DYRK1A: variants seen among roughly 807,000 people sequenced by gnomAD.
The protein encoded by DYRK1A is dual specificity tyrosine-phosphorylation-regulated kinase 1A.
Under a neutral mutation model 79.7 loss-of-function variants are expected in DYRK1A, and 9 were observed. That is an observed-to-expected ratio of 0.11 (90% confidence interval 0.07 to 0.20). The LOEUF is 0.20. DYRK1A is among the 10% of genes least tolerant of loss of function. DYRK1A has a pLI of 1.00. For synonymous variants in DYRK1A, 349 were observed against 329.7 expected, an observed-to-expected ratio of 1.06 and a Z score of -0.63; for missense variants, 622 against 956.0, an observed-to-expected ratio of 0.65 and a Z score of 4.61.
At chr21:37,395,789 A>G (rs1413886444) in intron 1 of DYRK1A, among the ~76,000 whole-genome samples, 1 of 152,148 alleles carries the variant, frequency 6.6e-6, no homozygotes, top group African/African-American at 2.4e-5. Context: ...GGGTGGAAAC[A>G]TTTACTCTGT....
At chr21:37,410,348 G>A (rs2050220824) in intron 1 of DYRK1A, among the ~76,000 whole-genome samples, 1 of 152,206 alleles carries the variant, frequency 6.6e-6, no homozygotes, top group South Asian at 2.1e-4. Context: ...GTGAACTTAA[G>A]TTGGTATAGA....
intron 2 of DYRK1A, among the ~76,000 whole-genome samples, chr21:37,447,881 A>G (rs984005794): frequency 2.0e-5 from 3 of 151,806 alleles, no homozygotes; most frequent in African/African-American, 4.8e-5. Context: ...GGTGTTTTCT[A>G]GTAAATGTGA....
At chr21:37,393,124 G>A (rs536498927) in intron 1 of DYRK1A, among the ~76,000 whole-genome samples, 1 of 152,318 alleles carries the variant, frequency 6.6e-6, no homozygotes, top group South Asian at 2.1e-4. Context: ...CCATAGTAGG[G>A]CCTTTGATAG....
rs771589556 is a variant in DYRK1A, at chr21:37,514,941, C to T, written c.*2410C>T. On this transcript the variant is annotated 3_prime_UTR_variant, in exon 12 of 12. Transcript: ENST00000647188. ...AAGAAAATCATAAAATCCAATGCTTCTGCATACTGTGTTATGTTACAGTCC... is the reference window on the plus strand; with the variant it reads ...AAGAAAATCATAAAATCCAATGCTTTTGCATACTGTGTTATGTTACAGTCC... 4.6e-5 allele frequency: 7 copies of T among 152,696 alleles called. No homozygotes were observed. The East Asian group carries it at 1.4e-3, about 29-fold the overall frequency. The allele number at this position is 152,696 out of a possible 1,614,324, so 9.5% of individuals were successfully genotyped here.
At chr21:37,368,283 G>A (rs1200157042) in intron 1 of DYRK1A, among the ~76,000 whole-genome samples, 1 of 152,196 alleles carries the variant, frequency 6.6e-6, no homozygotes, top group African/African-American at 2.4e-5. Context: ...TGGTGGCTGA[G>A]GAGAGGTGAA....
intron 2 of DYRK1A, among the ~76,000 whole-genome samples, chr21:37,467,127 CAAA>C (rs2052056386): frequency 1.3e-4 from 19 of 144,284 alleles, no homozygotes; most frequent in Admixed American, 1.0e-3. Context: ...AAAAACAAAA[CAAA>C]AAAACGGAAA....
At position 37,505,566 on chromosome 21, in the gene DYRK1A, C is replaced by T; in HGVS notation, c.1496C>T (p.Thr499Ile). The change falls in exon 10 of 12, where the codon ACC becomes ATC. Residue 499 changes from threonine to isoleucine, a missense_variant. Physicochemically the swap from Thr to Ile is moderately conservative, Grantham distance 89. Coordinates refer to ENST00000647188, the MANE Select transcript of DYRK1A (RefSeq NM_001347721.2). ...AMEQSQSSGT[T>I]SSTSSSSGGS... ...GAGCAGTCTCAGTCTTCGGGCACCACCTCCAGTACATCGTCAAGCTCAGGT... is the reference window on the plus strand; with the variant it reads ...GAGCAGTCTCAGTCTTCGGGCACCATCTCCAGTACATCGTCAAGCTCAGGT... The T allele has an allele frequency of 6.2e-7, 1 of 1,606,570 alleles. No homozygotes were observed. The highest frequency in any genetic ancestry group is 1.1e-5 in the South Asian group (1 of 91,024).
At chr21:37,413,427 T>C (rs1024001760) in intron 1 of DYRK1A, among the ~76,000 whole-genome samples, 1 of 152,250 alleles carries the variant, frequency 6.6e-6, no homozygotes, top group South Asian at 2.1e-4. Context: ...TATATGTGTG[T>C]ATATATTGTA....
At chr21:37,370,572 G>A (rs892521119) in intron 1 of DYRK1A, among the ~76,000 whole-genome samples, 2 of 152,024 alleles carry the variant, frequency 1.3e-5, no homozygotes, top group African/African-American at 4.8e-5. Context: ...AGGCTTTCAC[G>A]TTTCCTGTAC....
chr21:37,498,485 A>G (rs1036394970), intron 9 of DYRK1A, among the ~76,000 whole-genome samples: 2 of 152,156 alleles, frequency 1.3e-5, no homozygotes, highest in African/African-American at 2.4e-5. Flanking sequence ...CACTCAGCAA[A>G]TGTATTGTTT....
At chr21:37,403,304 C>A (rs1481731789) in intron 1 of DYRK1A, among the ~76,000 whole-genome samples, 1 of 151,934 alleles carries the variant, frequency 6.6e-6, no homozygotes, top group Non-Finnish European at 1.5e-5. Flanking sequence ...AATTCTAATT[C>A]TTTGAATGTA....
intron 2 of DYRK1A, among the ~76,000 whole-genome samples, chr21:37,465,216 G>T (rs138719748): frequency 6.6e-6 from 1 of 152,062 alleles, no homozygotes; most frequent in Non-Finnish European, 1.5e-5. Context: ...TAGCTAAAAA[G>T]GTACCAGAAG....
rs2053916748 is a variant in DYRK1A at position 37,519,735 on chromosome 21, A to AGTTTTTTTT, written c.*7205_*7213dup. On this transcript the variant is annotated 3_prime_UTR_variant, in exon 12 of 12. Transcript: ENST00000647188. Reference sequence around the variant, plus strand: ...AAGAGTTTTGAGGTTTGTTGTGGGAAGTTTTTTTTTTTTTTTTTTTTTTTG... The same window carrying AGTTTTTTTT: ...AAGAGTTTTGAGGTTTGTTGTGGGAAGTTTTTTTTGTTTTTTTTTTTTTTTTTTTTTTTG... 2 of 80,548 alleles carry AGTTTTTTTT rather than the reference A, an allele frequency of 2.5e-5. No homozygotes were observed. The highest frequency in any genetic ancestry group is 1.3e-4 in the African/African-American group (2 of 15,214). 5.0% of individuals were successfully genotyped at this position (80,548 alleles called of 1,614,324 possible).
At chr21:37,379,287 C>A (rs906357571) in intron 1 of DYRK1A, among the ~76,000 whole-genome samples, 1 of 151,818 alleles carries the variant, frequency 6.6e-6, no homozygotes, top group Non-Finnish European at 1.5e-5. Flanking sequence ...TGAGGGAATA[C>A]GAAGAGGTGA....
chr21:37,441,165 T>C (rs1416993677), intron 2 of DYRK1A, among the ~76,000 whole-genome samples: 1 of 152,216 alleles, frequency 6.6e-6, no homozygotes, highest in Non-Finnish European at 1.5e-5. Flanking sequence ...CTCGTGATAT[T>C]CTTCAGACTG....
rs1601198984 is a variant in DYRK1A, at chr21:37,472,535, T to C, written c.11-149T>C. On this transcript the variant is annotated intron_variant, in intron 2 of 11. Transcript: ENST00000647188. ...TATACCATTAAAAACATAACTGTTG[T>C]GTTGAGTAACATATACCTGTTTGTA... is the stretch of plus-strand genomic sequence containing the variant. 5 of 469,456 alleles carry C rather than the reference T, an allele frequency of 1.1e-5. No individual in the cohort carries two copies. The South Asian group carries it at 3.3e-4, about 31-fold the overall frequency. 29.1% of individuals were successfully genotyped at this position (469,456 alleles called of 1,614,324 possible).
In DYRK1A at chr21:37,517,217, T is replaced by G. The variant is rs2053890308; in HGVS notation, c.*4686T>G. 1 of 152,246 alleles carries G rather than the reference T, an allele frequency of 6.6e-6. No individual in the cohort carries two copies. The highest frequency in any genetic ancestry group is 2.4e-5 in the African/African-American group (1 of 41,426). 9.4% of individuals were successfully genotyped at this position (152,246 alleles called of 1,614,324 possible). Reference sequence around the variant, plus strand: ...GACTATTAATAAAGTGCATTAAGTTTGGGTCAGGCAAAGTGGTGGCAAAAG... The same window carrying G: ...GACTATTAATAAAGTGCATTAAGTTGGGGTCAGGCAAAGTGGTGGCAAAAG... On this transcript the variant is annotated 3_prime_UTR_variant, in exon 12 of 12. Transcript: ENST00000647188.
chr21:37,406,026 TTA>T (rs1328037147), intron 1 of DYRK1A, among the ~76,000 whole-genome samples: 1 of 152,190 alleles, frequency 6.6e-6, no homozygotes, highest in Non-Finnish European at 1.5e-5. Context: ...CTTTTTTTTT[TTA>T]AGGATGATAC....
intron 9 of DYRK1A, among the ~76,000 whole-genome samples, chr21:37,501,171 T>G (rs1013813574): frequency 7.7e-4 from 109 of 141,478 alleles, no homozygotes; most frequent in Non-Finnish European, 1.4e-3. Context: ...TGTTGGTTTT[T>G]TTTTTTTTTT....
Sources: gnomAD v4.1 joint callset for allele counts (sites outside exome capture counted in the v4.1 genomes callset) on GRCh38, gnomAD v4.1.1 for gene constraint, MANE v1.5 for transcripts, NCBI Gene and HGNC (gene_info 2026-07-23, HGNC 2026-07-21) for gene names.